MAGED1: variants seen among roughly 807,000 people sequenced by gnomAD.
MAGED1 encodes MAGE family member D1, also known as melanoma-associated antigen D1.
A neutral mutation model predicts 54.1 loss-of-function variants in MAGED1; 3 were observed. The ratio of observed to expected loss-of-function variants is 0.06; its 90% confidence interval spans 0.03 to 0.14. The LOEUF is 0.14. Among genes scored for constraint, MAGED1 ranks in the 10% least tolerant of loss-of-function variants. The pLI is 1.00. For missense variants in MAGED1, 485 were observed against 623.4 expected (o/e 0.78, Z 2.36); for synonymous variants, 217 against 227.3 (o/e 0.95, Z 0.41).
At chrX:51,844,953 G>C (rs1409404627) in intron 1 of MAGED1, among the ~76,000 whole-genome samples, 1 of 111,560 alleles carries the variant, frequency 9.0e-6, no homozygotes, top group Non-Finnish European at 1.9e-5. Flanking sequence ...TTAGCAGTAG[G>C]CTGGGCGTGG....
At chrX:51,893,225 A>G (rs558166490), upstream of MAGED1, among the ~76,000 whole-genome samples, 9 of 110,678 alleles carry the variant, frequency 8.1e-5, no homozygotes, top group South Asian at 3.6e-3. Context: ...GACCCCAAAC[A>G]GAGACCTAAG....
At chrX:51,857,334 T>A (rs1318660505) in intron 1 of MAGED1, 1 of 111,636 alleles carries the variant, frequency 9.0e-6, no homozygotes, top group Non-Finnish European at 1.9e-5. Context: ...CTGGACAGAA[T>A]CCCTATGAGT....
At chrX:51,894,465 T>C in intron 2 of MAGED1, 116 bp downstream of exon 2, 1 of 845,906 alleles carries the variant, frequency 1.2e-6, no homozygotes, top group Non-Finnish European at 1.7e-6. Context: ...GTGACTAGAC[T>C]CCGTGGGCTT....
intron 6 of MAGED1, 60 bp downstream of exon 6, chrX:51,897,686 TG>T: frequency 9.0e-7 from 1 of 1,112,022 alleles, no homozygotes; most frequent in Non-Finnish European, 1.2e-6. Context: ...CAAAGATTCA[TG>T]GGGTTCCTAC....
chrX:51,841,287 T>G (rs1211720628), intron 1 of MAGED1, among the ~76,000 whole-genome samples: 11 of 110,781 alleles, frequency 9.9e-5, no homozygotes, highest in Non-Finnish European at 1.9e-4. Context: ...GGGTTGTTTG[T>G]TTTTTTCTTG....
chrX:51,894,393 T>C, intron 2 of MAGED1, 44 bp downstream of exon 2: 2 of 1,129,807 alleles, frequency 1.8e-6, no homozygotes, highest in Non-Finnish European at 2.4e-6. Context: ...CAGCCGACAG[T>C]CACCCCTCCC....
intron 1 of MAGED1, among the ~76,000 whole-genome samples, chrX:51,865,205 T>C (rs1557361002): frequency 8.9e-6 from 1 of 112,466 alleles, no homozygotes; most frequent in African/African-American, 3.2e-5. Flanking sequence ...ATTGTAATTT[T>C]TTTTCTTGTT....
chrX:51,831,051 A>G (rs921249213), intron 1 of MAGED1, among the ~76,000 whole-genome samples: 2 of 111,317 alleles, frequency 1.8e-5, no homozygotes, highest in Non-Finnish European at 3.8e-5. Context: ...TAGTAGAGAC[A>G]GGGTTTCACC....
At chrX:51,809,819 A>G (rs891402032) in intron 1 of MAGED1, among the ~76,000 whole-genome samples, 29 of 111,619 alleles carry the variant, frequency 2.6e-4, no homozygotes, top group African/African-American at 8.5e-4. Context: ...TTATTTCTGT[A>G]GAGGTTGAAA....
At chrX:51,828,340 A>G (rs1399018459) in intron 1 of MAGED1, among the ~76,000 whole-genome samples, 1 of 111,937 alleles carries the variant, frequency 8.9e-6, no homozygotes, top group African/African-American at 3.2e-5. Flanking sequence ...CATACATTGT[A>G]GTGTTTTTAC....
Position 51,895,658 on chromosome X carries a change from T to C in MAGED1, c.651T>C (p.Gly217=). ...AGGCTGACATAGAGACCGACCCAGG[T>C]ATCTCTGAACCTGACGGTGCAACTG... The part of the protein sequence containing the change: ...TSQADIETDP[G]ISEPDGATAQ... The change falls in exon 3 of 13, where the codon GGT becomes GGC. Residue 217 remains glycine, a synonymous_variant. Coordinates refer to ENST00000326587, the MANE Select transcript of MAGED1 (RefSeq NM_006986.4). 1 of 1,208,849 alleles carries C rather than the reference T, an allele frequency of 8.3e-7. No individual in the cohort carries two copies. Among genetic ancestry groups the C allele is most frequent in the Non-Finnish European group, 1.1e-6 (1 of 894,006 alleles).
chrX:51,844,080 G>A (rs146644168), intron 1 of MAGED1, among the ~76,000 whole-genome samples: 1,307 of 111,622 alleles, frequency 0.012, 22 homozygotes, highest in African/African-American at 0.039. Context: ...GGTATTGCTG[G>A]TGACAGCACA....
chrX:51,876,324 C>G (rs1927866733), intron 1 of MAGED1, among the ~76,000 whole-genome samples: 1 of 109,089 alleles, frequency 9.2e-6, no homozygotes, highest in African/African-American at 3.3e-5. Flanking sequence ...TAAACACATA[C>G]TGAAGCCATA....
chrX:51,857,548 C>T (rs938828848), intron 1 of MAGED1: 9 of 111,914 alleles, frequency 8.0e-5, no homozygotes, highest in African/African-American at 2.9e-4. Flanking sequence ...CTGGAGATAA[C>T]AGACCTTCAA....
In MAGED1 at chrX:51,895,285, A is replaced by C. The variant is rs1557364073; in HGVS notation, c.278A>C (p.Asp93Ala). The change falls in exon 3 of 13, where the codon GAT (aspartate) becomes GCT (alanine). Residue 93 changes from aspartate (D) to alanine (A), a missense_variant. This residue lies in a region of MAGED1 where 299 missense variants were observed against 293.1 expected (regional missense o/e 1.02). Coordinates refer to ENST00000326587, the MANE Select transcript of MAGED1 (RefSeq NM_006986.4). Reference protein sequence around the residue: ...ATTKGPNGVYDFSQAHNAKDV... With the variant: ...ATTKGPNGVYAFSQAHNAKDV... ...ACAAAAGGCCCAAATGGTGTCTATG[A>C]TTTCTCTCAGGCTCATAATGCCAAG... is the stretch of plus-strand genomic sequence containing the variant. 1 of 1,211,095 alleles carries C rather than the reference A, an allele frequency of 8.3e-7. No individual in the cohort carries two copies.
chrX:51,858,702 G>C (rs1479710644), intron 1 of MAGED1, among the ~76,000 whole-genome samples: 1 of 110,994 alleles, frequency 9.0e-6, no homozygotes, highest in Admixed American at 9.6e-5. Flanking sequence ...GGACAGATGT[G>C]GTGAGAGCTT....
rs1928165703 is a variant in MAGED1, at chrX:51,884,278, AC to A, written c.-36-9989del. Among the ~76,000 whole-genome samples the A allele has an allele frequency of 2.7e-5, 3 of 111,307 alleles. No individual in the cohort carries two copies. In the Admixed American group the frequency reaches 2.9e-4, roughly 11 times the overall value. On this transcript the variant is annotated intron_variant, in intron 1 of 12. Coordinates refer to the MAGED1 transcript ENST00000375772. The stretch of plus-strand genomic sequence containing the variant: ...ACCCACCAGAGCAAAATGACACCTT[AC>A]CTATAGAGAATACCAAAGCAATGAC...
intron 1 of MAGED1, among the ~76,000 whole-genome samples, chrX:51,853,304 A>G (rs1926960849): frequency 9.0e-6 from 1 of 111,533 alleles, no homozygotes; most frequent in African/African-American, 3.3e-5. Flanking sequence ...TGATAATCCT[A>G]TTGTTTAAAG....
intron 11 of MAGED1, among the ~76,000 whole-genome samples, chrX:51,900,777 G>A (rs781937416): frequency 3.6e-5 from 4 of 110,993 alleles, no homozygotes; most frequent in Admixed American, 2.9e-4. Flanking sequence ...TTACAGGCAC[G>A]TGCCACCACC....
Sources: allele counts gnomAD v4.1 joint callset (sites outside exome capture counted in the v4.1 genomes callset), GRCh38; gene constraint gnomAD v4.1.1; regional missense constraint gnomAD v4.1.1; transcripts MANE v1.5; gene names NCBI Gene and HGNC (gene_info 2026-07-23, HGNC 2026-07-21).